The following TFDP1 variants were observed in gnomAD, a reference collection of about 807,000 sequenced individuals.
TFDP1 encodes the protein transcription factor Dp-1.
A neutral mutation model predicts 48.0 loss-of-function variants in TFDP1; 6 were observed. The ratio of observed to expected loss-of-function variants is 0.13; its 90% CI spans 0.07 to 0.25. The LOEUF is 0.25. Among genes scored for constraint, TFDP1 ranks in the 10% least tolerant of loss-of-function variants. The probability of loss-of-function intolerance (pLI) is 1.00; values close to 1 mark genes in which losing one functional copy is unlikely to be tolerated. For synonymous variants in TFDP1, 201 were observed against 211.6 expected (o/e 0.95, Z 0.44); for missense variants, 335 against 543.0 (o/e 0.62, Z 3.81).
At chr13:113,611,418 G>C (rs1477118997) in intron 3 of TFDP1, among the ~76,000 whole-genome samples, 3 of 152,240 alleles carry the variant, frequency 2.0e-5, no homozygotes, top group African/African-American at 7.2e-5. Flanking sequence ...GGCCTCACCT[G>C]TGCTGTTTGA....
intron 4 of TFDP1, among the ~76,000 whole-genome samples, chr13:113,625,274 G>A (rs1426384582): frequency 8.1e-6 from 1 of 123,480 alleles, no homozygotes; most frequent in Non-Finnish European, 1.6e-5. Context: ...ATGTCCTCAG[G>A]TGTCTCTCAC....
At position 113,627,478 on chromosome 13, in the gene TFDP1, C is replaced by T. The variant is rs1258804882; in HGVS notation, c.187-4145C>T. 6.6e-6 allele frequency among the ~76,000 whole-genome samples: 1 copy of T among 152,226 alleles called. No homozygotes were observed. The highest frequency in any genetic ancestry group is 2.4e-5 in the African/African-American group (1 of 41,460). ...CAGCTGCGCCACTGGCCCTGTCTCT[C>T]TGGACACCGCGGTTAACCTTGGTCC... On this transcript the variant is annotated intron_variant, in intron 4 of 11. Coordinates refer to ENST00000375370, the MANE Select transcript of TFDP1 (RefSeq NM_007111.5). The surrounding 1 kb of genome is among the most constrained non-coding windows in gnomAD (Gnocchi z 4.1).
intron 3 of TFDP1, among the ~76,000 whole-genome samples, chr13:113,620,689 A>G (rs1363227141): frequency 6.6e-6 from 1 of 152,266 alleles, no homozygotes; most frequent in African/African-American, 2.4e-5. Context: ...TCGAATATGT[A>G]CAATCTTTAC....
At chr13:113,622,326 G>C (rs1036890028) in intron 3 of TFDP1, among the ~76,000 whole-genome samples, 1 of 152,124 alleles carries the variant, frequency 6.6e-6, no homozygotes, top group Non-Finnish European at 1.5e-5. Context: ...GAAACCCACC[G>C]ACCCTGTGGG....
rs571748702 is a variant in TFDP1 at position 113,609,525 on chromosome 13, G to T, written c.13-1471G>T. ...GGCTTTCCTCATCTTCTGTGGGGAA[G>T]TGGAGTTGTGAAGATGCCCAGGAAA... On this transcript the variant is annotated intron_variant, in intron 2 of 11. Coordinates refer to ENST00000375370, the MANE Select transcript of TFDP1 (RefSeq NM_007111.5). 2.1e-4 allele frequency among the ~76,000 whole-genome samples: 32 copies of T among 152,258 alleles called. No homozygotes were observed. The South Asian group carries it at 6.4e-3, about 31-fold the overall frequency.
intron 3 of TFDP1, among the ~76,000 whole-genome samples, chr13:113,612,507 G>A (rs180806730): frequency 3.1e-4 from 47 of 152,350 alleles, no homozygotes; most frequent in East Asian, 2.3e-3. Flanking sequence ...GAGAAATATC[G>A]TTTTAGTGTA....
At chr13:113,594,613 T>C (rs971661526) in intron 2 of TFDP1, among the ~76,000 whole-genome samples, 2 of 152,180 alleles carry the variant, frequency 1.3e-5, no homozygotes, top group Non-Finnish European at 2.9e-5. Flanking sequence ...AGGTGACAGG[T>C]GTCCCGTGTG....
At chr13:113,625,812 G>C (rs1277010387) in intron 4 of TFDP1, among the ~76,000 whole-genome samples, 2 of 120,214 alleles carry the variant, frequency 1.7e-5, no homozygotes, top group African/African-American at 3.3e-5. Context: ...GTCCTCAGGT[G>C]TCTCACGCGT....
At chr13:113,635,803 C>T (rs2049470636) in intron 8 of TFDP1, among the ~76,000 whole-genome samples, 174 bp from the exon 9 acceptor site, 1 of 152,198 alleles carries the variant, frequency 6.6e-6, no homozygotes, top group Admixed American at 6.5e-5. Context: ...TTCCTGAGCG[C>T]TTTTCTCCCT....
intron 2 of TFDP1, among the ~76,000 whole-genome samples, chr13:113,609,425 C>T (rs1214500153): frequency 6.6e-6 from 1 of 152,118 alleles, no homozygotes; most frequent in East Asian, 1.9e-4. Flanking sequence ...GTTGGAACGG[C>T]AGTAGTGACT....
At chr13:113,588,435 C>A (rs2048057449) in intron 2 of TFDP1, among the ~76,000 whole-genome samples, 1 of 152,320 alleles carries the variant, frequency 6.6e-6, no homozygotes, top group Admixed American at 6.5e-5. Context: ...GAGCTTCCAA[C>A]CTCAAGTAGG....
intron 2 of TFDP1, among the ~76,000 whole-genome samples, chr13:113,602,875 C>T (rs922098267): frequency 1.3e-5 from 2 of 151,622 alleles, no homozygotes; most frequent in Non-Finnish European, 2.9e-5. Flanking sequence ...AGAGTTGATG[C>T]CAGGGGTGTC....
chr13:113,593,395 C>T lies in TFDP1; in HGVS notation c.12+7546C>T, dbSNP rs535153815. On this transcript the variant is annotated intron_variant, in intron 2 of 11. Coordinates refer to ENST00000375370, the MANE Select transcript of TFDP1 (RefSeq NM_007111.5). The stretch of plus-strand genomic sequence containing the variant: ...CCTGCCCAGGTGACAGGTGTGTGTG[C>T]GGGTCCTCAGCCCTGCCCAGGTGAC... Among the ~76,000 whole-genome samples, 18 of 119,536 alleles carry T rather than the reference C, an allele frequency of 1.5e-4. No homozygotes were observed. In the South Asian group the frequency reaches 2.6e-3, roughly 17 times the overall value. The allele number at this position is 119,536 out of a possible 152,430, so 78.4% of individuals were successfully genotyped here.
rs554905975 is a variant in TFDP1 at position 113,640,483 on chromosome 13, C to T, written c.*216C>T. 3.1e-5 allele frequency: 19 copies of T among 612,976 alleles called. No homozygotes were observed. The highest frequency in any genetic ancestry group is 1.2e-4 in the South Asian group (5 of 40,418). 38.0% of individuals were successfully genotyped at this position (612,976 alleles called of 1,614,324 possible). ...TTGATACCAGTGTGCTGATGCAGAG[C>T]GTTTATTTACTTGTTAGGATTTTGT... is the stretch of plus-strand genomic sequence containing the variant. On this transcript the variant is annotated 3_prime_UTR_variant, in exon 12 of 12. Coordinates refer to ENST00000375370, the MANE Select transcript of TFDP1 (RefSeq NM_007111.5).
intron 11 of TFDP1, 51 bp downstream of exon 11, chr13:113,637,947 G>A (rs992695223): frequency 1.9e-6 from 3 of 1,595,396 alleles, no homozygotes; most frequent in East Asian, 2.2e-5. Flanking sequence ...CTCCCCCGGG[G>A]TCCAGGGGCC....
chr13:113,591,448 TC>T (rs1172525207), intron 2 of TFDP1, among the ~76,000 whole-genome samples: 1 of 152,238 alleles, frequency 6.6e-6, no homozygotes, highest in East Asian at 1.9e-4. Context: ...ACATCTTTTT[TC>T]TTACATAATC....
At chr13:113,614,049 GAT>G (rs1049825746) in intron 3 of TFDP1, among the ~76,000 whole-genome samples, 1 of 143,878 alleles carries the variant, frequency 7.0e-6, no homozygotes, top group Non-Finnish European at 1.5e-5. Flanking sequence ...TTGTGTGTGA[GAT>G]GTGTGTTGTG....
chr13:113,590,487 G>A (rs976205046), intron 2 of TFDP1, among the ~76,000 whole-genome samples: 7 of 152,230 alleles, frequency 4.6e-5, no homozygotes, highest in Non-Finnish European at 7.3e-5. Context: ...GCTTGAAGGA[G>A]TGAGTTCTGG....
rs2048599875 is a variant in TFDP1 at position 113,607,569 on chromosome 13, C to T, written c.13-3427C>T. Among the ~76,000 whole-genome samples, 1 of 152,206 alleles carries T rather than the reference C, an allele frequency of 6.6e-6. No individual in the cohort carries two copies. The highest frequency in any genetic ancestry group is 1.5e-5 in the Non-Finnish European group (1 of 68,028). Reference sequence around the variant, plus strand: ...TCATTGCTGCCGTCACTGTGTGCTGCGCATGCCCTGCAGTTACCCCAGAGC... The same window carrying T: ...TCATTGCTGCCGTCACTGTGTGCTGTGCATGCCCTGCAGTTACCCCAGAGC... On this transcript the variant is annotated intron_variant, in intron 2 of 11. Coordinates refer to ENST00000375370, the MANE Select transcript of TFDP1 (RefSeq NM_007111.5). The surrounding 1 kb of genome is among the most constrained non-coding windows in gnomAD (Gnocchi z 5.2).
Sources: gnomAD v4.1 joint callset for allele counts (sites outside exome capture counted in the v4.1 genomes callset) on GRCh38, gnomAD v4.1.1 for gene constraint, Gnocchi (gnomAD v3.1) non-coding constraint, MANE v1.5 for transcripts, NCBI Gene and HGNC (gene_info 2026-07-23, HGNC 2026-07-21) for gene names.